Variants in RECK observed in about 807,000 individuals in gnomAD.
The protein encoded by RECK is reversion-inducing cysteine-rich protein with Kazal motifs.
Under a neutral mutation model 115.1 loss-of-function variants are expected in RECK, and 69 were observed. That is an observed-to-expected ratio of 0.60 (90% CI 0.49 to 0.73). The LOEUF (loss-of-function observed/expected upper bound fraction) is 0.73. RECK is among the 30% of genes least tolerant of loss of function. The probability of loss-of-function intolerance (pLI) is 0.00; values close to 1 mark genes in which losing one functional copy is unlikely to be tolerated. For missense variants in RECK, 1,047 were observed against 1,203.7 expected, an observed-to-expected ratio of 0.87 and a Z score of 1.93; for synonymous variants, 414 against 419.7, an observed-to-expected ratio of 0.99 and a Z score of 0.17.
In RECK at chr9:36,087,816, C is replaced by A. The variant is rs766925615; in HGVS notation, c.760C>A (p.Pro254Thr). 2 of 1,614,014 alleles carry A rather than the reference C, an allele frequency of 1.2e-6. No individual in the cohort carries two copies. The highest frequency in any genetic ancestry group is 1.7e-6 in the Non-Finnish European group (2 of 1,179,924). The change falls in exon 9 of 21, where the codon CCC becomes ACC. Residue 254 changes from proline to threonine, a missense_variant. Physicochemically the swap from Pro to Thr is conservative, Grantham distance 38 (BLOSUM62 -1). Transcript: ENST00000377966. ...DGLIEGCKTQ[P>T]LPQDPLWQCF... ...TCTCATCGAGGGTTGTAAGACCCAG[C>A]CCTTGCCTCAAGATCCTCTTTGGCA...
At chr9:36,063,746 C>G (rs942478) in intron 4 of RECK, 49 bp from the exon 5 acceptor site, 1,457,921 of 1,563,994 alleles carry the variant, frequency 0.93, 680,822 homozygotes, top group Middle Eastern at 0.95. Flanking sequence ...CATGCTATCT[C>G]TTTTTATTGC....
intron 15 of RECK, 74 bp downstream of exon 15, chr9:36,110,153 T>G (rs1484615129): frequency 6.7e-7 from 1 of 1,496,258 alleles, no homozygotes; most frequent in African/African-American, 1.4e-5. Flanking sequence ...TCAAGGCAGC[T>G]TCTCCAGTCT....
intron 6 of RECK, among the ~76,000 whole-genome samples, chr9:36,066,104 C>A (rs1420135042): frequency 6.6e-6 from 1 of 152,064 alleles, no homozygotes; most frequent in Admixed American, 6.5e-5. Flanking sequence ...TACTAAGTTA[C>A]AAAAGCTATA....
chr9:36,065,444 T>A, intron 5 of RECK, 133 bp from the exon 6 acceptor site: 1 of 594,056 alleles, frequency 1.7e-6, no homozygotes, highest in African/African-American at 1.9e-5. Flanking sequence ...ATTTAAAATA[T>A]TTGAACATAA....
intron 4 of RECK, among the ~76,000 whole-genome samples, chr9:36,062,310 C>T (rs997922725): frequency 1.4e-4 from 21 of 151,824 alleles, no homozygotes; most frequent in African/African-American, 5.1e-4. Context: ...TACAGGCATG[C>T]ACCACCACAC....
At position 36,106,604 on chromosome 9, in the gene RECK, A is replaced by G. The variant is rs533404035; in HGVS notation, c.1576+1321A>G. Among the ~76,000 whole-genome samples, 3 of 152,244 alleles carry G rather than the reference A, an allele frequency of 2.0e-5. No individual in the cohort carries two copies. The South Asian group carries it at 6.2e-4, about 32-fold the overall frequency. Reference sequence around the variant, plus strand: ...AGCATGATGTCTCAAAGGATCATCTATAATATATGTGTAATACTGTAATAT... The same window carrying G: ...AGCATGATGTCTCAAAGGATCATCTGTAATATATGTGTAATACTGTAATAT... On this transcript the variant is annotated intron_variant, in intron 13 of 20. Coordinates refer to ENST00000377966, the MANE Select transcript of RECK (RefSeq NM_021111.3).
At chr9:36,101,775 G>C (rs541542855) in intron 11 of RECK, among the ~76,000 whole-genome samples, 3 of 152,310 alleles carry the variant, frequency 2.0e-5, no homozygotes, top group Non-Finnish European at 4.4e-5. Context: ...TAGAAGTGAG[G>C]ATATATGATT....
At chr9:36,096,052 G>C (rs1214337790) in intron 10 of RECK, among the ~76,000 whole-genome samples, 3 of 119,196 alleles carry the variant, frequency 2.5e-5, no homozygotes, top group Non-Finnish European at 5.4e-5. Context: ...TGGGCAACAA[G>C]AATGAAACTC....
chr9:36,037,018 C>G lies in RECK; in HGVS notation c.20C>G (p.Ser7Cys), dbSNP rs1820687524. The change falls in exon 1 of 21, where the codon TCT becomes TGT. Residue 7 changes from serine to cysteine, a missense_variant. Physicochemically the swap from Ser to Cys is moderately radical, Grantham distance 112. Transcript: ENST00000377966. MATVRA[S>C]LRGALLLLLA... ...CCGGACATGGCGACCGTCCGGGCCT[C>G]TCTGCGAGGTGCGCTGCTCCTTCTG... 2 of 1,433,788 alleles carry G rather than the reference C, an allele frequency of 1.4e-6. No individual in the cohort carries two copies. Among genetic ancestry groups the G allele is most frequent in the African/African-American group, 3.0e-5 (2 of 67,332 alleles). The allele number at this position is 1,433,788 out of a possible 1,614,324, so 88.8% of individuals were successfully genotyped here.
intron 1 of RECK, among the ~76,000 whole-genome samples, chr9:36,046,544 G>A (rs1175482684): frequency 6.6e-6 from 1 of 152,208 alleles, no homozygotes; most frequent in South Asian, 2.1e-4. Context: ...GAGGTCCCCT[G>A]TCCTGTTCGT....
intron 16 of RECK, among the ~76,000 whole-genome samples, chr9:36,113,263 T>G (rs1824132768): frequency 6.6e-6 from 1 of 152,220 alleles, no homozygotes; most frequent in South Asian, 2.1e-4. Flanking sequence ...CACATTCCAA[T>G]GCCACAGTGC....
At chr9:36,037,352 C>T (rs1820707121) in intron 1 of RECK, among the ~76,000 whole-genome samples, 1 of 151,808 alleles carries the variant, frequency 6.6e-6, no homozygotes, top group South Asian at 2.1e-4. Context: ...CCGACACGGG[C>T]CCCCTCTTCG....
intron 8 of RECK, among the ~76,000 whole-genome samples, chr9:36,087,421 C>T (rs1823007627): frequency 6.6e-6 from 1 of 152,122 alleles, no homozygotes; most frequent in African/African-American, 2.4e-5. Context: ...TGTTCTCACT[C>T]ATAAGTGGGA....
rs1222305047 is a variant in RECK at position 36,052,283 on chromosome 9, A to G, written c.119A>G (p.His40Arg). ...TCCCTAGGTGCATTGTGTTGTAATCATTCAAAGGATAACCAAATGTGCCGT... is the reference window on the plus strand; with the variant it reads ...TCCCTAGGTGCATTGTGTTGTAATCGTTCAAAGGATAACCAAATGTGCCGT... ...PGSAGALCCNHSKDNQMCRDV... is the reference protein window; with the variant it reads ...PGSAGALCCNRSKDNQMCRDV... Residue 40 changes from histidine (H) to arginine (R), a missense_variant, in exon 2 of 21, where the codon CAT (histidine) becomes CGT (arginine). Coordinates refer to ENST00000377966, the MANE Select transcript of RECK (RefSeq NM_021111.3). 2 of 1,609,358 alleles carry G rather than the reference A, an allele frequency of 1.2e-6. No homozygotes were observed. The highest frequency in any genetic ancestry group is 1.7e-6 in the Non-Finnish European group (2 of 1,175,870).
intron 6 of RECK, among the ~76,000 whole-genome samples, chr9:36,080,385 T>C (rs1282237102): frequency 6.6e-6 from 1 of 152,240 alleles, no homozygotes; most frequent in African/African-American, 2.4e-5. Context: ...ACTGGTCAGC[T>C]TATGGCTCCA....
At chr9:36,093,715 G>A (rs1441618800) in intron 10 of RECK, among the ~76,000 whole-genome samples, 1 of 152,162 alleles carries the variant, frequency 6.6e-6, no homozygotes, top group African/African-American at 2.4e-5. Context: ...TTTTCCAAAT[G>A]TGATCAAATA....
At chr9:36,041,560 A>G (rs985784246) in intron 1 of RECK, among the ~76,000 whole-genome samples, 2 of 152,342 alleles carry the variant, frequency 1.3e-5, no homozygotes, top group Non-Finnish European at 2.9e-5. Context: ...GGCTGGTTAT[A>G]TAGCATTTAA....
At chr9:36,113,362 G>A (rs1293495010) in intron 16 of RECK, among the ~76,000 whole-genome samples, 1 of 152,094 alleles carries the variant, frequency 6.6e-6, no homozygotes, top group Non-Finnish European at 1.5e-5. Context: ...AAAATAAATG[G>A]CAAAGAATTA....
chr9:36,088,895 C>T (rs1823058992), intron 9 of RECK, among the ~76,000 whole-genome samples: 1 of 152,248 alleles, frequency 6.6e-6, no homozygotes, highest in South Asian at 2.1e-4. Context: ...GTGGCACATG[C>T]CTGTAATTCC....
Sources: allele counts gnomAD v4.1 joint callset (sites outside exome capture counted in the v4.1 genomes callset), GRCh38; gene constraint gnomAD v4.1.1; transcripts MANE v1.5; gene names NCBI Gene and HGNC (gene_info 2026-07-23, HGNC 2026-07-21).